NTNG1: variants seen among roughly 807,000 people sequenced by gnomAD.
The protein encoded by NTNG1 is netrin G1.
NTNG1 carries 16 observed loss-of-function variants against 54.0 expected under a neutral mutation model. That is an observed-to-expected ratio of 0.30 (90% CI 0.20 to 0.45). The LOEUF (loss-of-function observed/expected upper bound fraction) is 0.45. NTNG1 is among the 20% of genes least tolerant of loss of function. The pLI is 1.00. For missense variants in NTNG1, 530 were observed against 678.7 expected, an observed-to-expected ratio of 0.78 and a Z score of 2.43; for synonymous variants, 255 against 263.1, an observed-to-expected ratio of 0.97 and a Z score of 0.30.
intron 3 of NTNG1, among the ~76,000 whole-genome samples, chr1:107,393,530 G>A (rs1358304805): frequency 3.3e-5 from 5 of 151,712 alleles, no homozygotes; most frequent in Non-Finnish European, 5.9e-5. Context: ...TGACATTTAT[G>A]TGTCTAAGTT....
intron 2 of NTNG1, among the ~76,000 whole-genome samples, chr1:107,323,078 G>A (rs184934444): frequency 1.3e-5 from 2 of 150,958 alleles, no homozygotes; most frequent in South Asian, 2.1e-4. Flanking sequence ...TATCCTACAG[G>A]TATGATGAAA....
intron 7 of NTNG1, among the ~76,000 whole-genome samples, chr1:107,454,935 A>G (rs1676845821): frequency 6.6e-6 from 1 of 152,178 alleles, no homozygotes; most frequent in Non-Finnish European, 1.5e-5. Flanking sequence ...ACCCCACACC[A>G]ACATACATTC....
intron 2 of NTNG1, among the ~76,000 whole-genome samples, chr1:107,317,402 C>G (rs974034028): frequency 6.6e-6 from 1 of 152,154 alleles, no homozygotes; most frequent in African/African-American, 2.4e-5. Context: ...AGCAACCTCC[C>G]TACCACTTAC....
At chr1:107,282,459 C>T (rs1664927221) in intron 2 of NTNG1, among the ~76,000 whole-genome samples, 1 of 152,084 alleles carries the variant, frequency 6.6e-6, no homozygotes, top group Non-Finnish European at 1.5e-5. Flanking sequence ...TAAAAATGAT[C>T]TCTCCATCTC....
chr1:107,172,797 A>T (rs923622125), intron 2 of NTNG1, among the ~76,000 whole-genome samples: 3 of 152,212 alleles, frequency 2.0e-5, no homozygotes, highest in African/African-American at 4.8e-5. Context: ...TTGCTATGTT[A>T]TACCAGAAGA....
At chr1:107,456,357 A>T (rs913124017) in intron 7 of NTNG1, among the ~76,000 whole-genome samples, 1 of 152,194 alleles carries the variant, frequency 6.6e-6, no homozygotes, top group East Asian at 1.9e-4. Flanking sequence ...AGATGTCTAC[A>T]TTCCTACTTT....
chr1:107,185,226 A>G (rs1018478998), intron 2 of NTNG1, among the ~76,000 whole-genome samples: 1 of 152,212 alleles, frequency 6.6e-6, no homozygotes, highest in South Asian at 2.1e-4. Flanking sequence ...TGGATGGCTT[A>G]AAAGCATGCA....
chr1:107,443,932 C>T (rs1676141231), intron 7 of NTNG1, among the ~76,000 whole-genome samples: 1 of 152,028 alleles, frequency 6.6e-6, no homozygotes, highest in Non-Finnish European at 1.5e-5. Context: ...GGTACGACTC[C>T]TAAGGGTGGG....
At chr1:107,273,401 T>A (rs1034802389) in intron 2 of NTNG1, among the ~76,000 whole-genome samples, 5 of 152,244 alleles carry the variant, frequency 3.3e-5, no homozygotes, top group African/African-American at 1.2e-4. Flanking sequence ...TGAGAATTCT[T>A]AAGGGAATAG....
chr1:107,222,754 T>G (rs1397933569), intron 2 of NTNG1, among the ~76,000 whole-genome samples: 1 of 151,832 alleles, frequency 6.6e-6, no homozygotes, highest in Admixed American at 6.6e-5. Context: ...TAGTGGGCAG[T>G]CTTTAACTCA....
At chr1:107,460,585 G>A (rs568681736) in intron 7 of NTNG1, among the ~76,000 whole-genome samples, 21 of 152,306 alleles carry the variant, frequency 1.4e-4, no homozygotes, top group African/African-American at 4.8e-4. Flanking sequence ...GCAGCTCTAT[G>A]TGAAATAATA....
At chr1:107,372,151 T>C (rs1002990056) in intron 3 of NTNG1, among the ~76,000 whole-genome samples, 2 of 152,024 alleles carry the variant, frequency 1.3e-5, no homozygotes, top group Non-Finnish European at 2.9e-5. Context: ...TTTTTTATTA[T>C]GTTTATTTTT....
chr1:107,195,476 C>A (rs1034318579), intron 2 of NTNG1, among the ~76,000 whole-genome samples: 2 of 151,952 alleles, frequency 1.3e-5, no homozygotes, highest in African/African-American at 2.4e-5. Context: ...TTACACCATT[C>A]CTTTGCTCAA....
intron 2 of NTNG1, among the ~76,000 whole-genome samples, chr1:107,267,647 G>A (rs913859326): frequency 6.6e-6 from 1 of 152,052 alleles, no homozygotes; most frequent in Non-Finnish European, 1.5e-5. Flanking sequence ...TCAGTCCCCA[G>A]GGTGTCCACC....
chr1:107,174,502 T>C (rs1656492672), intron 2 of NTNG1, among the ~76,000 whole-genome samples: 1 of 152,128 alleles, frequency 6.6e-6, no homozygotes, highest in African/African-American at 2.4e-5. Flanking sequence ...GTTACTTTTA[T>C]TGGTAAAACT....
rs1039925429 is a variant in NTNG1 at position 107,484,718 on chromosome 1, T to A, written c.*3878T>A. Reference sequence around the variant, plus strand: ...ATTTTGGATGCACTGGGGGAACAACTGTGAGGAAATCTTGACATCGAATAT... The same window carrying A: ...ATTTTGGATGCACTGGGGGAACAACAGTGAGGAAATCTTGACATCGAATAT... On this transcript the variant is annotated 3_prime_UTR_variant, in exon 8 of 8. Coordinates refer to ENST00000370068, the MANE Select transcript of NTNG1 (RefSeq NM_001113226.3). Among the ~76,000 whole-genome samples, 2 of 152,218 alleles carry A rather than the reference T, an allele frequency of 1.3e-5. No individual in the cohort carries two copies. The highest frequency in any genetic ancestry group is 4.8e-5 in the African/African-American group (2 of 41,456).
chr1:107,282,270 G>A (rs1191939376), intron 2 of NTNG1, among the ~76,000 whole-genome samples: 1 of 152,064 alleles, frequency 6.6e-6, no homozygotes, highest in African/African-American at 2.4e-5. Flanking sequence ...ACCTCTACTT[G>A]TTGCCAACCC....
chr1:107,303,001 A>G (rs1460494946), intron 2 of NTNG1, among the ~76,000 whole-genome samples: 1 of 152,094 alleles, frequency 6.6e-6, no homozygotes. Flanking sequence ...CTACCTTCCT[A>G]CCCTGTAGGT....
chr1:107,373,108 G>T (rs2100998828), intron 3 of NTNG1, among the ~76,000 whole-genome samples: 1 of 152,062 alleles, frequency 6.6e-6, no homozygotes, highest in South Asian at 2.1e-4. Flanking sequence ...TAGACTTAAA[G>T]GTAATATCTT....
Sources: allele counts gnomAD v4.1 joint callset (sites outside exome capture counted in the v4.1 genomes callset), GRCh38; gene constraint gnomAD v4.1.1; transcripts MANE v1.5; gene names NCBI Gene and HGNC (gene_info 2026-07-23, HGNC 2026-07-21).